ZCCHC7: variants seen among roughly 807,000 people sequenced by gnomAD.
ZCCHC7 encodes zinc finger CCHC domain-containing protein 7.
A neutral mutation model predicts 52.0 loss-of-function variants in ZCCHC7; 35 were observed. That is an observed-to-expected ratio of 0.67 (90% CI 0.51 to 0.89). The LOEUF (loss-of-function observed/expected upper bound fraction) is 0.89, where lower values mean the gene tolerates loss of function less well. Among genes scored for constraint, ZCCHC7 ranks in the 40% least tolerant of loss-of-function variants. ZCCHC7 has a pLI of 0.00. For missense variants in ZCCHC7, 574 were observed against 649.1 expected (o/e 0.88, Z 1.26); for synonymous variants, 217 against 221.5 (o/e 0.98, Z 0.18).
intron 2 of ZCCHC7, among the ~76,000 whole-genome samples, chr9:37,146,180 T>C (rs1843427038): frequency 1.3e-5 from 2 of 151,918 alleles, no homozygotes; most frequent in South Asian, 4.1e-4. Flanking sequence ...CTTTGCTTAC[T>C]GCTGTAGTTT....
chr9:37,312,992 A>T (rs2133756880), intron 5 of ZCCHC7, among the ~76,000 whole-genome samples: 1 of 152,330 alleles, frequency 6.6e-6, no homozygotes, highest in South Asian at 2.1e-4. Flanking sequence ...TGAAGGGGAA[A>T]AGAAAAACTC....
intron 5 of ZCCHC7, chr9:37,326,049 A>G (rs997477118): frequency 2.0e-5 from 3 of 152,186 alleles, no homozygotes; most frequent in South Asian, 2.1e-4. Flanking sequence ...TATTCTGAGG[A>G]CACTGTGGTA....
intron 2 of ZCCHC7, among the ~76,000 whole-genome samples, chr9:37,271,153 AACAC>A: frequency 6.6e-6 from 1 of 152,344 alleles, no homozygotes; most frequent in Non-Finnish European, 1.5e-5. Flanking sequence ...CACTTCAGAG[AACAC>A]AGTGCTTACC....
chr9:37,162,316 T>C (rs998028654), intron 2 of ZCCHC7, among the ~76,000 whole-genome samples: 1 of 152,120 alleles, frequency 6.6e-6, no homozygotes, highest in Non-Finnish European at 1.5e-5. Context: ...CAGGAAGCCA[T>C]CATCACAATC....
chr9:37,344,646 T>C (rs1820849455), intron 6 of ZCCHC7, among the ~76,000 whole-genome samples: 1 of 152,276 alleles, frequency 6.6e-6, no homozygotes, highest in Non-Finnish European at 1.5e-5. Flanking sequence ...CCCCAAAAAG[T>C]CAATCTAAGT....
intron 1 of ZCCHC7, chr9:37,120,850 G>A: frequency 4.2e-6 from 1 of 236,146 alleles, no homozygotes; most frequent in Non-Finnish European, 8.2e-6. Context: ...GGCTTTCCAA[G>A]GGCTAATGCC....
intron 2 of ZCCHC7, among the ~76,000 whole-genome samples, chr9:37,222,238 G>A (rs1216546324): frequency 3.3e-5 from 5 of 151,332 alleles, no homozygotes; most frequent in African/African-American, 1.2e-4. Flanking sequence ...AAATGGTGAC[G>A]TGTCCTGCCA....
At chr9:37,255,052 TC>T (rs1826519098) in intron 2 of ZCCHC7, among the ~76,000 whole-genome samples, 1 of 152,048 alleles carries the variant, frequency 6.6e-6, no homozygotes, top group Middle Eastern at 3.4e-3. Context: ...ATTCCAGCAT[TC>T]CCAGTGGATG....
chr9:37,142,655 A>G (rs1564138624), intron 2 of ZCCHC7, among the ~76,000 whole-genome samples: 1 of 151,828 alleles, frequency 6.6e-6, no homozygotes, highest in Non-Finnish European at 1.5e-5. Context: ...TGTCCATGCC[A>G]ATTAAAATAA....
intron 6 of ZCCHC7, among the ~76,000 whole-genome samples, chr9:37,337,769 G>A (rs1830745878): frequency 1.3e-5 from 2 of 152,122 alleles, no homozygotes; most frequent in South Asian, 2.1e-4. Flanking sequence ...TCCAGGAAAC[G>A]ATTTTCACTT....
intron 2 of ZCCHC7, chr9:37,160,313 C>A (rs1411159673): frequency 6.6e-6 from 1 of 152,120 alleles, no homozygotes; most frequent in South Asian, 2.1e-4. Flanking sequence ...AGTTTGAGAT[C>A]AGCCCAGGCA....
At chr9:37,303,448 A>T (rs1007196076) in intron 3 of ZCCHC7, among the ~76,000 whole-genome samples, 16 of 151,428 alleles carry the variant, frequency 1.1e-4, no homozygotes, top group Non-Finnish European at 2.1e-4. Flanking sequence ...AGAAAGAAAG[A>T]AAAGAAGTCA....
At chr9:37,263,412 C>T (rs754435931) in intron 2 of ZCCHC7, among the ~76,000 whole-genome samples, 32 of 151,584 alleles carry the variant, frequency 2.1e-4, no homozygotes, top group Non-Finnish European at 3.8e-4. Context: ...TCGTATTTCC[C>T]ATTTATATTT....
chr9:37,320,472 A>G (rs937039695), intron 5 of ZCCHC7, among the ~76,000 whole-genome samples: 2 of 152,192 alleles, frequency 1.3e-5, no homozygotes, highest in African/African-American at 4.8e-5. Flanking sequence ...ACTTACAATA[A>G]TTTCTGATAG....
chr9:37,274,480 C>T (rs1256723813), intron 2 of ZCCHC7, among the ~76,000 whole-genome samples: 1 of 151,774 alleles, frequency 6.6e-6, no homozygotes, highest in Non-Finnish European at 1.5e-5. Context: ...GCTGGAGTCA[C>T]AGGTGCGTGC....
chr9:37,331,909 T>C (rs1408677872), intron 6 of ZCCHC7, among the ~76,000 whole-genome samples: 1 of 151,584 alleles, frequency 6.6e-6, no homozygotes, highest in African/African-American at 2.4e-5. Context: ...TTACATACTG[T>C]CTTGTAAAAT....
rs149059803 is a variant in ZCCHC7, at chr9:37,137,100, G to A, written c.610+10158G>A. On this transcript the variant is annotated intron_variant, in intron 2 of 8. Transcript: ENST00000336755. ...ACGTACAAGCCACTGTACCATTAAG[G>A]TATTGGGATTCAAAAATTGCCATGT... Among the ~76,000 whole-genome samples the A allele has an allele frequency of 1.8e-3, 278 of 152,276 alleles. 3 individuals carry two copies. The South Asian group carries it at 0.019, about 11-fold the overall frequency.
In ZCCHC7 at chr9:37,126,733, A is replaced by G. The variant is rs778387788; in HGVS notation, c.401A>G (p.Lys134Arg). ...QSNELVDKKC[K>R]SDIEKPKSEE... ...AATGAGCTGGTTGATAAGAAATGCA[A>G]GAGTGATATTGAGAAGCCTAAATCT... Residue 134 changes from lysine to arginine, a missense_variant, in exon 2 of 9, where the codon AAG (lysine) becomes AGG (arginine). By Grantham distance (26) the Lys-to-Arg change is conservative. Transcript: ENST00000336755. 9.3e-6 allele frequency: 15 copies of G among 1,614,148 alleles called. No homozygotes were observed. The South Asian group carries it at 1.3e-4, about 14-fold the overall frequency.
chr9:37,230,293 G>A (rs1825335425), intron 2 of ZCCHC7, among the ~76,000 whole-genome samples: 1 of 152,158 alleles, frequency 6.6e-6, no homozygotes, highest in African/African-American at 2.4e-5. Context: ...TGGCAGTGCG[G>A]TAGGTTTGTT....
Sources: gnomAD v4.1 joint callset for allele counts (sites outside exome capture counted in the v4.1 genomes callset) on GRCh38, gnomAD v4.1.1 for gene constraint, MANE v1.5 for transcripts, NCBI Gene and HGNC (gene_info 2026-07-23, HGNC 2026-07-21) for gene names.